The following STMN2 variants were observed in gnomAD, a reference collection of about 807,000 sequenced individuals.
STMN2 encodes the protein stathmin 2.
A neutral mutation model predicts 24.1 loss-of-function variants in STMN2; 2 were observed. The observed-to-expected ratio is 0.08, with a 90% CI of 0.03 to 0.26. STMN2 has a LOEUF of 0.26. STMN2 is among the 10% of genes least tolerant of loss of function. The pLI, the probability that STMN2 is intolerant of heterozygous loss-of-function variation, is 1.00. For missense variants in STMN2, 114 were observed against 213.6 expected, an observed-to-expected ratio of 0.53 and a Z score of 2.91; for synonymous variants, 83 against 77.5, an observed-to-expected ratio of 1.07 and a Z score of -0.37.
At position 79,650,969 on chromosome 8, in the gene STMN2, G is replaced by C. The variant is rs1229550057; in HGVS notation, c.289-3902G>C. Among the ~76,000 whole-genome samples, 3 of 152,196 alleles carry C rather than the reference G, an allele frequency of 2.0e-5. No homozygotes were observed. The East Asian group carries it at 5.8e-4, about 29-fold the overall frequency. ...TTAAAAAAAAATATTGAATGCTTAT[G>C]AATAGAGACTAATATAGGAAGTCAT... On this transcript the variant is annotated intron_variant, in intron 3 of 4. Transcript: ENST00000220876.
intron 3 of STMN2, among the ~76,000 whole-genome samples, chr8:79,651,726 A>G (rs1810336980): frequency 6.6e-6 from 1 of 152,250 alleles, no homozygotes; most frequent in Non-Finnish European, 1.5e-5. Flanking sequence ...GCCTCTTGAT[A>G]ATAATTCACA....
chr8:79,646,055 T>G (rs1013926795), intron 3 of STMN2, among the ~76,000 whole-genome samples: 11 of 152,310 alleles, frequency 7.2e-5, no homozygotes, highest in Admixed American at 7.2e-4. Flanking sequence ...ACAAATGTTT[T>G]TAAGTAAATT....
At chr8:79,657,478 C>T (rs1806401529) in intron 4 of STMN2, among the ~76,000 whole-genome samples, 1 of 152,192 alleles carries the variant, frequency 6.6e-6, no homozygotes, top group South Asian at 2.1e-4. Context: ...TGGGACCCAG[C>T]ATCCATACAT....
intron 3 of STMN2, among the ~76,000 whole-genome samples, chr8:79,645,033 T>C (rs1186456645): frequency 6.6e-6 from 1 of 152,030 alleles, no homozygotes; most frequent in Non-Finnish European, 1.5e-5. Context: ...CGAGTGCCTG[T>C]AATCCCAGCT....
Position 79,636,803 on chromosome 8 carries a change from C to T in STMN2, c.21C>T (p.Ala7=), listed in dbSNP as rs1281743356. ...CTAATCTTCAGCTTTTCATTTCAGC[C>T]TACAAGGAAAAAATGAAGGAGCTGT... MAKTAM[A]YKEKMKELSM... Residue 7 remains alanine, a splice_region_variant and synonymous_variant, in exon 2 of 5, where the codon GCC becomes GCT. Transcript: ENST00000220876. 1.2e-6 allele frequency: 2 copies of T among 1,613,380 alleles called. No individual in the cohort carries two copies. Among genetic ancestry groups the T allele is most frequent in the Admixed American group, 3.3e-5 (2 of 59,934 alleles).
intron 3 of STMN2, among the ~76,000 whole-genome samples, chr8:79,645,154 CAA>C (rs539464553): frequency 8.0e-6 from 1 of 124,750 alleles, no homozygotes; most frequent in Non-Finnish European, 1.8e-5. Flanking sequence ...GACTCCATCT[CAA>C]AAAAAAAAAA....
chr8:79,655,562 TAGC>T (rs1806325547), intron 4 of STMN2, among the ~76,000 whole-genome samples: 2 of 152,282 alleles, frequency 1.3e-5, no homozygotes, highest in Admixed American at 6.5e-5. Flanking sequence ...TAGGGTATAA[TAGC>T]ATCACATGGG....
chr8:79,611,152 G>T lies in STMN2; in HGVS notation c.-44G>T, dbSNP rs1278009615. The T allele has an allele frequency of 2.5e-6, 4 of 1,613,716 alleles. No individual in the cohort carries two copies. The East Asian group carries it at 8.9e-5, about 36-fold the overall frequency. ...CTCGCTCTCTCCGCTGCTGTAGCCGGACCCTTTGCCTTCGCCACTGCTCAG... is the reference window on the plus strand; with the variant it reads ...CTCGCTCTCTCCGCTGCTGTAGCCGTACCCTTTGCCTTCGCCACTGCTCAG... On this transcript the variant is annotated 5_prime_UTR_variant, in exon 1 of 5. Transcript: ENST00000220876.
In STMN2 at chr8:79,641,439, G is replaced by A. The variant is rs950691372; in HGVS notation, c.177G>A (p.Lys59=). ...GCCAGGCTTTTGAGCTGATCTTGAA[G>A]CCACCATCTCCTATCTCAGAAGCCC... The part of the protein sequence containing the change: ...ASGQAFELIL[K]PPSPISEAPR... The change falls in exon 3 of 5, where the codon AAG becomes AAA. Residue 59 remains lysine (K), a synonymous_variant. Transcript: ENST00000220876. The A allele has an allele frequency of 3.1e-6, 5 of 1,613,942 alleles. No individual in the cohort carries two copies. Among genetic ancestry groups the A allele is most frequent in the Non-Finnish European group, 3.4e-6 (4 of 1,180,000 alleles).
intron 3 of STMN2, among the ~76,000 whole-genome samples, chr8:79,653,931 A>G (rs913643693): frequency 9.2e-5 from 14 of 152,212 alleles, no homozygotes; most frequent in Admixed American, 1.3e-4. Context: ...TACGTAACAC[A>G]TCCTGGGTCA....
Position 79,614,997 on chromosome 8 carries a change from T to C in STMN2, c.19+3783T>C, listed in dbSNP as rs150172558. ...CTACAATTTACTCAGATTCAGGAAA[T>C]GTCCTTTCAGAGTGCCATAAGGCTG... is the stretch of plus-strand genomic sequence containing the variant. On this transcript the variant is annotated intron_variant, in intron 1 of 4. Coordinates refer to ENST00000220876, the MANE Select transcript of STMN2 (RefSeq NM_007029.4). Among the ~76,000 whole-genome samples the C allele has an allele frequency of 7.0e-3, 1,069 of 152,344 alleles. 7 individuals carry two copies. The highest frequency in any genetic ancestry group is 0.012 in the Admixed American group (189 of 15,304).
Position 79,636,874 on chromosome 8 carries a change from A to G in STMN2, c.92A>G (p.Asn31Ser). 6.2e-7 allele frequency: 1 copy of G among 1,613,864 alleles called. No homozygotes were observed. Among genetic ancestry groups the G allele is most frequent in the African/African-American group, 1.3e-5 (1 of 75,052 alleles). Reference sequence around the variant, plus strand: ...TCTTGCTTTTACCCGGAACCTCGCAACATCAACATCTATACTTACGATGGT... The same window carrying G: ...TCTTGCTTTTACCCGGAACCTCGCAGCATCAACATCTATACTTACGATGGT... Reference protein sequence around the residue: ...ICSCFYPEPRNINIYTYDDME... With the variant: ...ICSCFYPEPRSINIYTYDDME... The change falls in exon 2 of 5, where the codon AAC becomes AGC. Residue 31 changes from asparagine (N) to serine (S), a missense_variant. Physicochemically the swap from Asn to Ser is conservative, Grantham distance 46. Coordinates refer to ENST00000220876, the MANE Select transcript of STMN2 (RefSeq NM_007029.4).
At chr8:79,622,179 C>A (rs1021165117) in intron 1 of STMN2, among the ~76,000 whole-genome samples, 6 of 152,068 alleles carry the variant, frequency 3.9e-5, no homozygotes, top group African/African-American at 1.4e-4. Context: ...TCTGAGAATT[C>A]TTAAATTTAT....
At chr8:79,662,304 G>T (rs1806520344) in intron 4 of STMN2, among the ~76,000 whole-genome samples, 1 of 152,070 alleles carries the variant, frequency 6.6e-6, no homozygotes, top group African/African-American at 2.4e-5. Context: ...GCCTCTGACA[G>T]TGCCTAGCAA....
At chr8:79,639,733 G>A (rs1333247870) in intron 2 of STMN2, among the ~76,000 whole-genome samples, 2 of 152,014 alleles carry the variant, frequency 1.3e-5, no homozygotes, top group African/African-American at 4.8e-5. Context: ...TGTTTGCGGT[G>A]TATGGCATAT....
intron 1 of STMN2, among the ~76,000 whole-genome samples, chr8:79,624,282 G>A (rs1041815187): frequency 2.0e-5 from 3 of 151,630 alleles, no homozygotes; most frequent in Non-Finnish European, 4.4e-5. Flanking sequence ...GTGAAACCCC[G>A]TCTCTACTAA....
chr8:79,657,065 G>C (rs1287318117), intron 4 of STMN2, among the ~76,000 whole-genome samples: 2 of 152,086 alleles, frequency 1.3e-5, no homozygotes, highest in East Asian at 1.9e-4. Flanking sequence ...GTAGAGACAG[G>C]GTTTTGCCGT....
chr8:79,665,668 T>G lies in STMN2; in HGVS notation c.*794T>G, dbSNP rs1806583038. ...AGTGGGCTTAATTCTCTAGTTTAAG[T>G]TCTTTTGATGGAATGAATTAATTAA... On this transcript the variant is annotated 3_prime_UTR_variant, in exon 5 of 5. Coordinates refer to ENST00000220876, the MANE Select transcript of STMN2 (RefSeq NM_007029.4). The G allele has an allele frequency of 6.5e-6, 1 of 154,362 alleles. No individual in the cohort carries two copies. The highest frequency in any genetic ancestry group is 1.5e-5 in the Non-Finnish European group (1 of 68,222). 9.6% of individuals were successfully genotyped at this position (154,362 alleles called of 1,614,324 possible).
chr8:79,653,364 G>A (rs963771422), intron 3 of STMN2, among the ~76,000 whole-genome samples: 3 of 152,074 alleles, frequency 2.0e-5, no homozygotes, highest in Non-Finnish European at 4.4e-5. Flanking sequence ...GTGACAGAGC[G>A]AGACTCTATC....
Sources: gnomAD v4.1 joint callset for allele counts (sites outside exome capture counted in the v4.1 genomes callset) on GRCh38, gnomAD v4.1.1 for gene constraint, MANE v1.5 for transcripts, NCBI Gene and HGNC (gene_info 2026-07-23, HGNC 2026-07-21) for gene names.